The following MLXIP variants were observed in gnomAD, a reference collection of about 807,000 sequenced individuals.
MLXIP encodes MLX interacting protein.
A neutral mutation model predicts 87.2 loss-of-function variants in MLXIP; 30 were observed. That is an observed-to-expected ratio of 0.34 (90% confidence interval 0.26 to 0.47). MLXIP has a LOEUF of 0.47. MLXIP is among the 20% of genes least tolerant of loss of function. The probability of loss-of-function intolerance (pLI) is 1.00; values close to 1 mark genes in which losing one functional copy is unlikely to be tolerated. For synonymous variants in MLXIP, 530 were observed against 514.0 expected (o/e 1.03, Z -0.42); for missense variants, 1,002 against 1,240.1 (o/e 0.81, Z 2.88).
At chr12:122,086,815 T>G (rs1023270026) in intron 1 of MLXIP, among the ~76,000 whole-genome samples, 10 of 152,118 alleles carry the variant, frequency 6.6e-5, no homozygotes, top group Admixed American at 6.5e-4. Flanking sequence ...CAGGCAGTGC[T>G]AGGTCCCCCG....
At chr12:122,121,559 C>T (rs1299526203) in intron 1 of MLXIP, among the ~76,000 whole-genome samples, 1 of 152,068 alleles carries the variant, frequency 6.6e-6, no homozygotes, top group Admixed American at 6.6e-5. Context: ...TGTGAGCCAC[C>T]GTGCCCGGCC....
At chr12:122,104,580 T>C (rs1005561066) in intron 1 of MLXIP, among the ~76,000 whole-genome samples, 31 of 141,620 alleles carry the variant, frequency 2.2e-4, no homozygotes, top group Non-Finnish European at 2.8e-4. Context: ...CTTTTCTTTT[T>C]TTTTTTTTTT....
rs1364375170 is a variant in MLXIP at position 122,082,369 on chromosome 12, CCTTATTTTT to C, written c.413+3105_413+3113del. ...ACCAGGTGTTAATGATGGAAAAAAT[CCTTATTTTT>C]CCTTAGACTTATCTGAAGTCTAAGA... On this transcript the variant is annotated intron_variant, in intron 1 of 16. Coordinates refer to ENST00000319080, the MANE Select transcript of MLXIP (RefSeq NM_014938.6). Among the ~76,000 whole-genome samples the C allele has an allele frequency of 5.9e-5, 9 of 152,262 alleles. No homozygotes were observed. In the East Asian group the frequency reaches 1.7e-3, roughly 29 times the overall value.
At chr12:122,101,870 C>T (rs1213431479) in intron 1 of MLXIP, among the ~76,000 whole-genome samples, 4 of 152,120 alleles carry the variant, frequency 2.6e-5, no homozygotes, top group Admixed American at 1.3e-4. Context: ...TGAGCCACCG[C>T]GCCCGGCCTT....
chr12:122,137,629 G>T lies in MLXIP; in HGVS notation c.2154+39G>T, dbSNP rs531690181. The stretch of plus-strand genomic sequence containing the variant: ...CCTCTTGGTTCCCTTGGGAGGAGGG[G>T]AGAGGAGTGCAGGACATCAAGGATC... On this transcript the variant is annotated intron_variant, in intron 12 of 16. Coordinates refer to ENST00000319080, the MANE Select transcript of MLXIP (RefSeq NM_014938.6). The surrounding 1 kb of genome is among the most constrained non-coding windows in gnomAD (Gnocchi z 4.1). 5.0e-6 allele frequency: 8 copies of T among 1,607,050 alleles called. No homozygotes were observed. In the South Asian group the frequency reaches 8.9e-5, roughly 18 times the overall value.
chr12:122,079,227 C>T lies in MLXIP; in HGVS notation c.374C>T (p.Ser125Leu). 1 of 1,551,224 alleles carries T rather than the reference C, an allele frequency of 6.4e-7. No individual in the cohort carries two copies. Among genetic ancestry groups the T allele is most frequent in the African/African-American group, 1.4e-5 (1 of 73,166 alleles). ...TCCTGCCACCTGTCCATCGACGCCT[C>T]GCTCACCAAGCTCTTCGAGTGCATG... ...TSSCHLSIDA[S>L]LTKLFECMTL... Residue 125 changes from serine (S) to leucine (L), a missense_variant, in exon 1 of 17, where the codon TCG becomes TTG. Around this residue, in one of 3 missense-constraint regions of MLXIP, gnomAD observed 127 missense variants for 239.0 expected, o/e 0.53. Transcript: ENST00000319080.
Position 122,137,769 on chromosome 12 carries a change from G to C in MLXIP, c.2154+179G>C. On this transcript the variant is annotated intron_variant, in intron 12 of 16. Coordinates refer to ENST00000319080, the MANE Select transcript of MLXIP (RefSeq NM_014938.6). The surrounding 1 kb of genome is among the most constrained non-coding windows in gnomAD (Gnocchi z 4.1). Reference sequence around the variant, plus strand: ...ACGAACCAGCCCTGTGGGGATGGTGGGCCCCCTGGAGGCTTTTGGGTGAGC... The same window carrying C: ...ACGAACCAGCCCTGTGGGGATGGTGCGCCCCCTGGAGGCTTTTGGGTGAGC... 1 of 547,272 alleles carries C rather than the reference G, an allele frequency of 1.8e-6. No individual in the cohort carries two copies. Among genetic ancestry groups the C allele is most frequent in the Non-Finnish European group, 2.3e-6 (1 of 429,866 alleles). 33.9% of individuals were successfully genotyped at this position (547,272 alleles called of 1,614,324 possible).
chr12:122,103,225 ATTTATTTATTTAT>A (rs1213131741), intron 1 of MLXIP, among the ~76,000 whole-genome samples: 2 of 61,376 alleles, frequency 3.3e-5, no homozygotes, highest in African/African-American at 9.7e-5. Context: ...TTATTTATTT[ATTTATTTATTTAT>A]TTTTGAGGCA....
At position 122,129,954 on chromosome 12, in the gene MLXIP, T is replaced by C. The variant is rs754046093; in HGVS notation, c.752T>C (p.Leu251Pro). Residue 251 changes from leucine to proline, a missense_variant, in exon 6 of 17, where the codon CTG (leucine) becomes CCG (proline). Transcript: ENST00000319080. ...GTGTTGTGTTAGGACGATGACATGC[T>C]GTATTGGCACAAGCACGGGGATGGA... ...LSSLVQDDDM[L>P]YWHKHGDGWK... 74 of 1,612,792 alleles carry C rather than the reference T, an allele frequency of 4.6e-5. No homozygotes were observed. The highest frequency in any genetic ancestry group is 1.6e-4 in the Middle Eastern group (1 of 6,076).
chr12:122,141,237 G>A (rs1243952924), intron 16 of MLXIP, 154 bp downstream of exon 16: 9 of 683,570 alleles, frequency 1.3e-5, no homozygotes, highest in African/African-American at 1.9e-5. Flanking sequence ...TCAGTCAGGA[G>A]CGCCCAGTGG....
intron 1 of MLXIP, among the ~76,000 whole-genome samples, chr12:122,094,242 GGTATTGGTGTGT>G (rs1388990743): frequency 1.0e-5 from 1 of 100,036 alleles, no homozygotes; most frequent in African/African-American, 3.3e-5. Flanking sequence ...TGTCTGGTGT[GGTATTGGTGTGT>G]GTGTTGGTGT....
intron 1 of MLXIP, among the ~76,000 whole-genome samples, chr12:122,090,369 T>C (rs36163299): frequency 0.51 from 76,624 of 151,676 alleles, 19,856 homozygotes; most frequent in Middle Eastern, 0.64. Context: ...TGGTGGCACA[T>C]GCCTGTAATC....
intron 12 of MLXIP, 36 bp from the exon 13 acceptor site, chr12:122,138,158 T>C (rs1451605364): frequency 6.5e-7 from 1 of 1,543,458 alleles, no homozygotes; most frequent in Non-Finnish European, 8.8e-7. Context: ...GTGCCTGCAA[T>C]GTGCCTGTCT....
Position 122,078,833 on chromosome 12 carries a change from G to T in MLXIP, c.-21G>T, listed in dbSNP as rs1352497007. ...CGCGTTGCCCCGGGCTCCGGGGGAT[G>T]CCCCCGGCCGAGCCCTTCTCATGGC... is the stretch of plus-strand genomic sequence containing the variant. On this transcript the variant is annotated 5_prime_UTR_variant, in exon 1 of 17. The change abolishes an upstream ATG in the 5' untranslated region. Coordinates refer to ENST00000319080, the MANE Select transcript of MLXIP (RefSeq NM_014938.6). 1.9e-6 allele frequency: 2 copies of T among 1,055,224 alleles called. No homozygotes were observed. The highest frequency in any genetic ancestry group is 5.6e-5 in the Admixed American group (1 of 17,852). The allele number at this position is 1,055,224 out of a possible 1,614,324, so 65.4% of individuals were successfully genotyped here.
chr12:122,088,776 G>A (rs1239687528), intron 1 of MLXIP, among the ~76,000 whole-genome samples: 1 of 152,082 alleles, frequency 6.6e-6, no homozygotes, highest in Non-Finnish European at 1.5e-5. Context: ...GCTCCCATGA[G>A]GCAAATTCGG....
intron 7 of MLXIP, among the ~76,000 whole-genome samples, chr12:122,131,197 G>A (rs1013183021): frequency 1.3e-5 from 2 of 152,096 alleles, no homozygotes; most frequent in Admixed American, 6.6e-5. Flanking sequence ...GGGCACTGAT[G>A]ACACAGCCAG....
Position 122,138,441 on chromosome 12 carries a change from A to C in MLXIP, c.2274A>C (p.Thr758=), listed in dbSNP as rs764040014. The C allele has an allele frequency of 8.7e-6, 14 of 1,613,840 alleles. No homozygotes were observed. The South Asian group carries it at 1.5e-4, about 18-fold the overall frequency. Residue 758 remains threonine (T), a synonymous_variant, in exon 14 of 17, where the codon ACA becomes ACC. Transcript: ENST00000319080. The part of the protein sequence containing the change: ...NNSKLTSHAI[T]LQKTVEYITK... The stretch of plus-strand genomic sequence containing the variant: ...TTCTGCAGACCAGTCACGCCATCAC[A>C]CTGCAGAAGACTGTGGAGTACATCA...
chr12:122,133,231 G>A lies in MLXIP; in HGVS notation c.1093-117G>A, dbSNP rs1188310245. ...CAGCAGCCATGGACGTGGAGACGTG[G>A]CCTTTGTCCCTCTGTCCCAGCGCCC... On this transcript the variant is annotated intron_variant, in intron 8 of 16. Transcript: ENST00000319080. The surrounding 1 kb of genome is among the most constrained non-coding windows in gnomAD (Gnocchi z 4.9). The A allele has an allele frequency of 5.9e-6, 7 of 1,179,620 alleles. No homozygotes were observed. In the Admixed American group the frequency reaches 7.5e-5, roughly 13 times the overall value. The allele number at this position is 1,179,620 out of a possible 1,614,324, so 73.1% of individuals were successfully genotyped here.
At chr12:122,114,029 A>G (rs1363240117) in intron 1 of MLXIP, among the ~76,000 whole-genome samples, 1 of 125,718 alleles carries the variant, frequency 8.0e-6, no homozygotes, top group African/African-American at 3.0e-5. Flanking sequence ...CTTGTTGCCC[A>G]GGCTAGAGTG....
Sources: allele counts gnomAD v4.1 joint callset (sites outside exome capture counted in the v4.1 genomes callset), GRCh38; gene constraint gnomAD v4.1.1; regional missense constraint gnomAD v4.1.1; non-coding constraint Gnocchi (gnomAD v3.1); transcripts MANE v1.5; gene names NCBI Gene and HGNC (gene_info 2026-07-23, HGNC 2026-07-21).